Variants in DCDC2C observed in about 807,000 individuals in gnomAD.
DCDC2C encodes doublecortin domain-containing protein 2C.
A neutral mutation model predicts 45.0 loss-of-function variants in DCDC2C; 44 were observed. The observed-to-expected ratio is 0.98, with a 90% CI of 0.77 to 1.26. The LOEUF is 1.26. DCDC2C is among the 50% of genes most tolerant of loss of function. The probability of loss-of-function intolerance (pLI) is 0.00; values close to 1 mark genes in which losing one functional copy is unlikely to be tolerated. For synonymous variants in DCDC2C, 187 were observed against 178.8 expected (o/e 1.05, Z -0.37); for missense variants, 447 against 468.9 (o/e 0.95, Z 0.43).
intron 9 of DCDC2C, among the ~76,000 whole-genome samples, chr2:3,780,911 ACTTTCCGGAAGAGGTATTTC>A (rs1252735856): frequency 7.2e-5 from 11 of 152,248 alleles, no homozygotes; most frequent in Non-Finnish European, 1.3e-4. Flanking sequence ...TTTATATATA[ACTTTCCGGAAGAGGTATTTC>A]CTGTATCAGG....
chr2:3,798,816 T>C (rs1029048585), intron 10 of DCDC2C, among the ~76,000 whole-genome samples: 4 of 152,214 alleles, frequency 2.6e-5, no homozygotes, highest in Admixed American at 1.3e-4. Flanking sequence ...TTTTCCTTCA[T>C]TTCAACTTTG....
intron 6 of DCDC2C, among the ~76,000 whole-genome samples, chr2:3,757,808 C>G (rs1245580903): frequency 6.6e-6 from 1 of 152,170 alleles, no homozygotes; most frequent in Non-Finnish European, 1.5e-5. Flanking sequence ...CACCAACCTC[C>G]CCATCTCCAC....
At chr2:3,768,486 G>GTGGGAGAGGCTTTCCTGCACTTCTC (rs1670072774) in intron 7 of DCDC2C, among the ~76,000 whole-genome samples, 2 of 152,354 alleles carry the variant, frequency 1.3e-5, no homozygotes, top group Admixed American at 1.3e-4. Flanking sequence ...AAGCAAGGTG[G>GTGGGAGAGGCTTTCCTGCACTTCTC]TGGGAGAGGC....
At chr2:3,724,429 C>T (rs1169418057) in intron 2 of DCDC2C, among the ~76,000 whole-genome samples, 5 of 152,182 alleles carry the variant, frequency 3.3e-5, no homozygotes, top group Non-Finnish European at 5.9e-5. Flanking sequence ...AGACACACCT[C>T]CCTGGTCTCC....
At chr2:3,845,557 TGACTA>T (rs1440615234) in intron 10 of DCDC2C, among the ~76,000 whole-genome samples, 4 of 152,228 alleles carry the variant, frequency 2.6e-5, no homozygotes, top group Non-Finnish European at 5.9e-5. Flanking sequence ...TTGTTAGACT[TGACTA>T]GAACACTCGT....
chr2:3,835,862 G>C (rs1379772101), intron 10 of DCDC2C, among the ~76,000 whole-genome samples: 1 of 151,982 alleles, frequency 6.6e-6, no homozygotes, highest in Non-Finnish European at 1.5e-5. Flanking sequence ...TCCTACCTTA[G>C]CCTCCTAAGC....
At chr2:3,788,175 G>T (rs926041501) in intron 10 of DCDC2C, among the ~76,000 whole-genome samples, 1 of 152,054 alleles carries the variant, frequency 6.6e-6, no homozygotes, top group African/African-American at 2.4e-5. Context: ...TTTTTTTGAC[G>T]ATAGTGACAA....
chr2:3,827,220 G>A (rs1671844137), intron 10 of DCDC2C, among the ~76,000 whole-genome samples: 1 of 152,156 alleles, frequency 6.6e-6, no homozygotes, highest in Admixed American at 6.5e-5. Flanking sequence ...GATCCTCTCA[G>A]AGCTGCCTGA....
chr2:3,733,329 A>G (rs1668927391), intron 3 of DCDC2C, among the ~76,000 whole-genome samples: 1 of 152,186 alleles, frequency 6.6e-6, no homozygotes, highest in Admixed American at 6.5e-5. Flanking sequence ...TGTTCAAGCC[A>G]TTGTTTGTCC....
At chr2:3,737,416 T>C (rs1669062736) in intron 3 of DCDC2C, among the ~76,000 whole-genome samples, 2 of 147,916 alleles carry the variant, frequency 1.4e-5, no homozygotes, top group African/African-American at 4.9e-5. Context: ...CCAACTGCAG[T>C]GGGTCATGGC....
At position 3,826,662 on chromosome 2, in the gene DCDC2C, T is replaced by A. The variant is rs1671824521; in HGVS notation, c.1066-20492T>A. ...CATCTTCTGAGGTTCGAAGGTCCCC[T>A]CTCTGTGGGTAGGAATGGAAATCCC... On this transcript the variant is annotated intron_variant, in intron 10 of 10. Transcript: ENST00000399143. Among the ~76,000 whole-genome samples, 3 of 152,096 alleles carry A rather than the reference T, an allele frequency of 2.0e-5. No homozygotes were observed. In the South Asian group the frequency reaches 6.2e-4, roughly 32 times the overall value.
intron 3 of DCDC2C, among the ~76,000 whole-genome samples, chr2:3,730,043 G>T (rs17017941): frequency 6.6e-6 from 1 of 152,204 alleles, no homozygotes; most frequent in Admixed American, 6.5e-5. Context: ...GGGTCCAGCC[G>T]TTGCTTCCAG....
chr2:3,741,721 A>G (rs1558572928), intron 3 of DCDC2C, among the ~76,000 whole-genome samples, 199 bp from the exon 4 acceptor site: 1 of 149,440 alleles, frequency 6.7e-6, no homozygotes, highest in Non-Finnish European at 1.5e-5. Context: ...GTATACACAC[A>G]CGCGCGCGTC....
At chr2:3,771,380 G>C (rs1203114805) in intron 8 of DCDC2C, among the ~76,000 whole-genome samples, 1 of 152,234 alleles carries the variant, frequency 6.6e-6, no homozygotes. Context: ...AAGGCATGAA[G>C]CTCAGGCCAT....
Position 3,752,905 on chromosome 2 carries a change from G to C in DCDC2C, c.683+5G>C, listed in dbSNP as rs1266350587. 1.3e-6 allele frequency: 2 copies of C among 1,550,108 alleles called. No homozygotes were observed. The highest frequency in any genetic ancestry group is 2.7e-5 in the African/African-American group (2 of 73,140). On this transcript the variant is annotated splice_donor_5th_base_variant and intron_variant, in intron 5 of 10. Coordinates refer to ENST00000399143, the MANE Select transcript of DCDC2C (RefSeq NM_001287444.2). ...GGTGCCCAGTGAGGTCCAACAGTGA[G>C]CATGCTTCGTACCTTTCTTTCCTGA...
chr2:3,767,824 A>G lies in DCDC2C; in HGVS notation c.797A>G (p.Tyr266Cys). 6.5e-7 allele frequency: 1 copy of G among 1,544,492 alleles called. No individual in the cohort carries two copies. The highest frequency in any genetic ancestry group is 8.7e-7 in the Non-Finnish European group (1 of 1,145,456). The stretch of plus-strand genomic sequence containing the variant: ...CCTAAAACACAGGATTCTGTTTATT[A>G]TGCCAAAGAAGAAAAGAAGAAAACA... Reference protein sequence around the residue: ...IPPKTQDSVYYAKEEKKKTLA... With the variant: ...IPPKTQDSVYCAKEEKKKTLA... The change falls in exon 7 of 11, where the codon TAT becomes TGT. Residue 266 changes from tyrosine (Y) to cysteine (C), a missense_variant. Physicochemically the swap from Tyr to Cys is radical, Grantham distance 194. Coordinates refer to ENST00000399143, the MANE Select transcript of DCDC2C (RefSeq NM_001287444.2).
intron 10 of DCDC2C, among the ~76,000 whole-genome samples, chr2:3,835,554 G>A (rs1006871635): frequency 3.3e-5 from 5 of 152,082 alleles, no homozygotes; most frequent in African/African-American, 7.2e-5. Context: ...TTTCTGTTCC[G>A]TATCTGTCTC....
chr2:3,740,722 G>A (rs1380054487), intron 3 of DCDC2C, among the ~76,000 whole-genome samples: 1 of 152,186 alleles, frequency 6.6e-6, no homozygotes, highest in Non-Finnish European at 1.5e-5. Flanking sequence ...AAATATGGAA[G>A]AAGTTGGACT....
chr2:3,768,021 C>G, intron 7 of DCDC2C, 141 bp downstream of exon 7: 1 of 1,008,890 alleles, frequency 9.9e-7, no homozygotes, highest in Non-Finnish European at 1.4e-6. Context: ...ATAAAAGGTT[C>G]AGCTTGTAGG....
Sources: gnomAD v4.1 joint callset for allele counts (sites outside exome capture counted in the v4.1 genomes callset) on GRCh38, gnomAD v4.1.1 for gene constraint, MANE v1.5 for transcripts, NCBI Gene and HGNC (gene_info 2026-07-23, HGNC 2026-07-21) for gene names.